The following ALK variants were observed in gnomAD, a reference collection of about 807,000 sequenced individuals.
The protein encoded by ALK is ALK tyrosine kinase receptor.
In ALK, 74 loss-of-function variants were observed where a neutral mutation model predicts 163.1. The observed-to-expected ratio is 0.45, with a 90% confidence interval of 0.38 to 0.55. The LOEUF is 0.55. Among genes scored for constraint, ALK ranks in the 20% least tolerant of loss-of-function variants. The pLI is 0.00. For synonymous variants in ALK, 960 were observed against 843.2 expected (o/e 1.14, Z -2.40); for missense variants, 2,063 against 2,105.3 (o/e 0.98, Z 0.39).
At chr2:29,784,514 G>A (rs1028682629) in intron 1 of ALK, among the ~76,000 whole-genome samples, 1 of 152,096 alleles carries the variant, frequency 6.6e-6, no homozygotes, top group African/African-American at 2.4e-5. Context: ...TGGCCAATGT[G>A]GCAAAACCCT....
At chr2:29,572,444 T>C (rs1031202391) in intron 3 of ALK, among the ~76,000 whole-genome samples, 1 of 152,208 alleles carries the variant, frequency 6.6e-6, no homozygotes, top group Non-Finnish European at 1.5e-5. Context: ...GTCATACTGA[T>C]GGCTCAGTTC....
chr2:29,680,741 T>C (rs919617771), intron 3 of ALK, among the ~76,000 whole-genome samples: 8 of 152,268 alleles, frequency 5.3e-5, no homozygotes, highest in South Asian at 2.1e-4. Context: ...ATGAGTCACA[T>C]TGTATTATTT....
At chr2:29,450,525 G>T (rs1319898102) in intron 4 of ALK, among the ~76,000 whole-genome samples, 2 of 152,100 alleles carry the variant, frequency 1.3e-5, no homozygotes. Context: ...CAATATAAGG[G>T]ATACATAGAC....
intron 11 of ALK, among the ~76,000 whole-genome samples, chr2:29,264,688 A>G (rs1425964814): frequency 1.3e-5 from 2 of 152,248 alleles, no homozygotes; most frequent in Non-Finnish European, 2.9e-5. Flanking sequence ...TGCCATCTCC[A>G]AACCCACCTG....
At chr2:29,488,425 A>G (rs1302818797) in intron 4 of ALK, among the ~76,000 whole-genome samples, 1 of 152,178 alleles carries the variant, frequency 6.6e-6, no homozygotes, top group Non-Finnish European at 1.5e-5. Context: ...CTAATTAATT[A>G]CAGCAGCACT....
At chr2:29,770,280 A>T (rs185244921) in intron 1 of ALK, among the ~76,000 whole-genome samples, 1 of 152,366 alleles carries the variant, frequency 6.6e-6, no homozygotes, top group Non-Finnish European at 1.5e-5. Context: ...CTAAGCAGGT[A>T]ACTAGGAGAG....
intron 28 of ALK, among the ~76,000 whole-genome samples, chr2:29,194,809 A>G (rs1036539009): frequency 6.6e-6 from 1 of 152,006 alleles, no homozygotes; most frequent in Non-Finnish European, 1.5e-5. Context: ...TTCTTTAACT[A>G]GTCTGGATGT....
At chr2:29,475,065 T>G (rs1156665679) in intron 4 of ALK, among the ~76,000 whole-genome samples, 2 of 152,110 alleles carry the variant, frequency 1.3e-5, no homozygotes, top group African/African-American at 2.4e-5. Context: ...TCTTATCTCC[T>G]CCACTCACTC....
intron 16 of ALK, among the ~76,000 whole-genome samples, chr2:29,228,627 A>G (rs972928496): frequency 1.3e-5 from 2 of 152,012 alleles, no homozygotes; most frequent in Non-Finnish European, 2.9e-5. Flanking sequence ...AAGCCTCTTT[A>G]TCATCGACTT....
chr2:29,752,693 C>T (rs931350050), intron 1 of ALK, among the ~76,000 whole-genome samples: 1 of 152,164 alleles, frequency 6.6e-6, no homozygotes, highest in Non-Finnish European at 1.5e-5. Flanking sequence ...AGGATGTAAC[C>T]TCATGCTAGC....
rs114985329 is a variant in ALK, at chr2:29,299,976, G to A, written c.1648-2919C>T. The stretch of plus-strand genomic sequence containing the variant: ...GTGGATTAGTGTCTGTCTCCTACCT[G>A]GAAGGTCTAAAGTTTGAACTAGGGG... On this transcript the variant is annotated intron_variant, in intron 8 of 28. Coordinates refer to ENST00000389048, the MANE Select transcript of ALK (RefSeq NM_004304.5). Among the ~76,000 whole-genome samples, 551 of 152,282 alleles carry A rather than the reference G, an allele frequency of 3.6e-3. 8 individuals carry two copies. The highest frequency in any genetic ancestry group is 0.012 in the African/African-American group (518 of 41,556).
chr2:29,321,774 C>T (rs1476411644), intron 6 of ALK, among the ~76,000 whole-genome samples: 2 of 152,190 alleles, frequency 1.3e-5, no homozygotes, highest in Non-Finnish European at 2.9e-5. Context: ...TTTATTACTG[C>T]AGCATAATCT....
chr2:29,323,516 C>G (rs1667138758), intron 6 of ALK, among the ~76,000 whole-genome samples: 2 of 152,098 alleles, frequency 1.3e-5, no homozygotes. Flanking sequence ...CTGGCTGACT[C>G]AATAACGGGA....
chr2:29,876,677 CGAT>C (rs1666726346), intron 1 of ALK, among the ~76,000 whole-genome samples: 1 of 116,326 alleles, frequency 8.6e-6, no homozygotes, highest in Non-Finnish European at 1.7e-5. Flanking sequence ...ATGATGGTAA[CGAT>C]GGTGATATGG....
chr2:29,636,064 A>C (rs1311855035), intron 3 of ALK, among the ~76,000 whole-genome samples: 1 of 152,222 alleles, frequency 6.6e-6, no homozygotes. Flanking sequence ...AGAATAGCTA[A>C]AATACTTCTG....
intron 3 of ALK, among the ~76,000 whole-genome samples, chr2:29,576,426 G>A (rs1202433235): frequency 1.3e-5 from 2 of 152,170 alleles, no homozygotes; most frequent in Non-Finnish European, 2.9e-5. Flanking sequence ...GGCTAACTTG[G>A]CAAATGCCCT....
At chr2:29,868,102 T>C (rs1018011415) in intron 1 of ALK, among the ~76,000 whole-genome samples, 2 of 151,568 alleles carry the variant, frequency 1.3e-5, no homozygotes, top group African/African-American at 2.4e-5. Context: ...ACGAAAGAGG[T>C]AGTGATGAGC....
chr2:29,300,236 G>A (rs1296996336), intron 8 of ALK, among the ~76,000 whole-genome samples: 3 of 152,118 alleles, frequency 2.0e-5, no homozygotes, highest in African/African-American at 7.2e-5. Context: ...GAAGGTGGAA[G>A]TGACCACCTA....
At chr2:29,556,351 G>T (rs1673860663) in intron 3 of ALK, among the ~76,000 whole-genome samples, 1 of 152,170 alleles carries the variant, frequency 6.6e-6, no homozygotes. Context: ...CATGTAAAAT[G>T]CTTAGCACAC....
Sources: gnomAD v4.1 joint callset for allele counts (sites outside exome capture counted in the v4.1 genomes callset) on GRCh38, gnomAD v4.1.1 for gene constraint, MANE v1.5 for transcripts, NCBI Gene and HGNC (gene_info 2026-07-23, HGNC 2026-07-21) for gene names.